ZBTB17: variants seen among roughly 807,000 people sequenced by gnomAD.
ZBTB17 encodes the protein zinc finger and BTB domain containing 17, also known as zinc finger and BTB domain-containing protein 17.
ZBTB17 carries 24 observed loss-of-function variants against 85.1 expected under a neutral mutation model. The ratio of observed to expected loss-of-function variants is 0.28; its 90% CI spans 0.20 to 0.40. The LOEUF (loss-of-function observed/expected upper bound fraction) is 0.40. Ranked by LOEUF, ZBTB17 falls within the 10% of genes least tolerant of loss-of-function variation. The pLI is 1.00. For synonymous variants in ZBTB17, 464 were observed against 460.2 expected (o/e 1.01, Z -0.11); for missense variants, 743 against 1,105.1 (o/e 0.67, Z 4.65).
intron 1 of ZBTB17, among the ~76,000 whole-genome samples, chr1:15,975,192 C>A (rs565338751): frequency 2.0e-5 from 3 of 152,244 alleles, no homozygotes; most frequent in Non-Finnish European, 4.4e-5. Context: ...ATAACAGCAA[C>A]AAACACACAG....
chr1:15,967,178 C>T (rs2072471682), intron 2 of ZBTB17, among the ~76,000 whole-genome samples: 1 of 151,992 alleles, frequency 6.6e-6, no homozygotes, highest in African/African-American at 2.4e-5. Flanking sequence ...GAGTTCAAGA[C>T]CAGCCTGGGC....
chr1:15,971,512 CTA>C (rs1304206089), intron 2 of ZBTB17, among the ~76,000 whole-genome samples: 4 of 62,506 alleles, frequency 6.4e-5, no homozygotes, highest in Admixed American at 1.3e-4. Flanking sequence ...TACACACACA[CTA>C]TATATATACA....
At chr1:15,947,626 T>C (rs75957374) in intron 3 of ZBTB17, among the ~76,000 whole-genome samples, 2 of 152,248 alleles carry the variant, frequency 1.3e-5, no homozygotes, top group East Asian at 3.9e-4. Flanking sequence ...AGGACGGATG[T>C]TGTGAACACC....
In ZBTB17 at chr1:15,966,372, G is replaced by A. The variant is rs1337685765; in HGVS notation, c.-3+6667C>T. Among the ~76,000 whole-genome samples the A allele has an allele frequency of 6.6e-6, 1 of 151,806 alleles. No homozygotes were observed. The highest frequency in any genetic ancestry group is 1.9e-4 in the East Asian group (1 of 5,182). ...CAGATTCTACTGCCAGACCTTTCAA[G>A]ACCAGAAGCTGAGTAGATTTTTGAT... On this transcript the variant is annotated intron_variant, in intron 2 of 15. Transcript: ENST00000375743. This position sits in a 1 kb window ranked among gnomAD's most constrained non-coding sequence, Gnocchi z 4.1.
At position 15,942,513 on chromosome 1, in the gene ZBTB17, T is replaced by C. The variant is rs772670902; in HGVS notation, c.2038+16A>G. 2 of 1,610,122 alleles carry C rather than the reference T, an allele frequency of 1.2e-6. No homozygotes were observed. The highest frequency in any genetic ancestry group is 1.7e-6 in the Non-Finnish European group (2 of 1,179,858). On this transcript the variant is annotated intron_variant, in intron 14 of 15. Transcript: ENST00000375743. ...CAAGCTGCCTGTGACTTCCCTCTGC[T>C]GCCCACAGCCCGCACCTGTGAGCTG...
chr1:15,943,035 G>A (rs2148753342), intron 13 of ZBTB17, 29 bp downstream of exon 13: 1 of 1,612,958 alleles, frequency 6.2e-7, no homozygotes, highest in Non-Finnish European at 8.5e-7. Context: ...GCCTGGGAAG[G>A]AACAGGCATG....
In ZBTB17 at chr1:15,951,329, G is replaced by GAGGA. The variant is rs2071831777; in HGVS notation, c.-2-2833_-2-2832insTCCT. ...GAAGGAAGGAAGGAAGGGAGAGAGG[G>GAGGA]AGGGAGGGAGGGGCCCTGTACCCAC... On this transcript the variant is annotated intron_variant, in intron 2 of 15. Transcript: ENST00000375743. The surrounding 1 kb of genome is among the most constrained non-coding windows in gnomAD (Gnocchi z 4.1). 7.1e-6 allele frequency among the ~76,000 whole-genome samples: 1 copy of GAGGA among 141,022 alleles called. No homozygotes were observed. Among genetic ancestry groups the GAGGA allele is most frequent in the Non-Finnish European group, 1.5e-5 (1 of 67,650 alleles). 92.5% of individuals were successfully genotyped at this position (141,022 alleles called of 152,430 possible).
At chr1:15,961,895 G>A (rs887860771) in intron 2 of ZBTB17, among the ~76,000 whole-genome samples, 7 of 152,300 alleles carry the variant, frequency 4.6e-5, no homozygotes, top group South Asian at 2.1e-4. Context: ...TATATTTTAC[G>A]ATGTTAATAT....
chr1:15,942,287 A>C (rs2071392932), intron 15 of ZBTB17, 35 bp from the exon 16 acceptor site: 2 of 1,613,406 alleles, frequency 1.2e-6, no homozygotes, highest in African/African-American at 1.3e-5. Flanking sequence ...AGTGGGAAGG[A>C]CCCCGGGCTC....
intron 2 of ZBTB17, among the ~76,000 whole-genome samples, chr1:15,957,213 A>G (rs535774140): frequency 1.8e-4 from 27 of 151,952 alleles, no homozygotes; most frequent in Non-Finnish European, 2.6e-4. Flanking sequence ...TAAAGGAGGC[A>G]AGGGGGACCT....
intron 2 of ZBTB17, among the ~76,000 whole-genome samples, chr1:15,963,622 A>T (rs1361569782): frequency 8.5e-5 from 13 of 152,182 alleles, no homozygotes; most frequent in Admixed American, 7.9e-4. Flanking sequence ...TTCCCTGAGA[A>T]TGTATAATGA....
rs774369566 is a variant in ZBTB17 at position 15,946,190 on chromosome 1, CCTT to C, written c.496_498del (p.Lys166del). 18 of 1,611,836 alleles carry C rather than the reference CCTT, an allele frequency of 1.1e-5. No homozygotes were observed. The highest frequency in any genetic ancestry group is 2.2e-5 in the East Asian group (1 of 44,888). ...CTCTGGGCCTGACCGCCGCGCTCCTCCTTGAGGTCCCTGCTGGGGCCTATGGGT... is the reference window on the plus strand; with the variant it reads ...CTCTGGGCCTGACCGCCGCGCTCCTCGAGGTCCCTGCTGGGGCCTATGGGT... On this transcript the variant is annotated inframe_deletion, in exon 5 of 16. Coordinates refer to ENST00000375743, the MANE Select transcript of ZBTB17 (RefSeq NM_003443.3).
intron 7 of ZBTB17, 43 bp downstream of exon 7, chr1:15,944,894 G>C: frequency 6.4e-7 from 1 of 1,563,458 alleles, no homozygotes; most frequent in Non-Finnish European, 8.7e-7. Flanking sequence ...GAGGCCGGAG[G>C]GGAGGGACGC....
At chr1:15,950,058 C>T (rs11489780) in intron 2 of ZBTB17, among the ~76,000 whole-genome samples, 16,083 of 152,260 alleles carry the variant, frequency 0.11, 1,068 homozygotes, top group African/African-American at 0.18. Context: ...TCCTAAATGG[C>T]TGTGGCTAGA....
chr1:15,948,620 T>C, intron 2 of ZBTB17, 123 bp from the exon 3 acceptor site: 1 of 1,063,184 alleles, frequency 9.4e-7, no homozygotes, highest in South Asian at 1.6e-5. Flanking sequence ...AGTGAGGGCA[T>C]TTCTGCCACA....
chr1:15,942,943 G>T, intron 13 of ZBTB17, 121 bp downstream of exon 13: 1 of 1,474,668 alleles, frequency 6.8e-7, no homozygotes, highest in Non-Finnish European at 9.2e-7. Context: ...CTGCCTTCAA[G>T]GCCACCTGCA....
chr1:15,944,896 G>C (rs938573090), intron 7 of ZBTB17, 41 bp downstream of exon 7: 2 of 1,562,746 alleles, frequency 1.3e-6, no homozygotes, highest in Non-Finnish European at 1.7e-6. Flanking sequence ...GGCCGGAGGG[G>C]AGGGACGCTG....
chr1:15,946,105 T>A, intron 5 of ZBTB17, 49 bp downstream of exon 5: 2 of 1,600,692 alleles, frequency 1.2e-6, no homozygotes. Flanking sequence ...GTGCCCAGGC[T>A]GCTGGGAGGT....
At position 15,941,974 on chromosome 1, in the gene ZBTB17, C is replaced by G. The variant is rs376769205; in HGVS notation, c.2407G>C (p.Glu803Gln). Residue 803 changes from glutamate (E) to glutamine (Q), a missense_variant, in exon 16 of 16, where the codon GAG (glutamate) becomes CAG (glutamine). Physicochemically the swap from Glu to Gln is conservative, Grantham distance 29. Transcript: ENST00000375743. The stretch of plus-strand genomic sequence containing the variant: ...CAGTCAGAAGGGCCGCCAGCTCACT[C>G]GGCAGGCGGGGGACATTCAGGAGCT... ...PTAPECPPPA[E>Q] is the part of the protein sequence containing the mutation. 1 of 1,592,824 alleles carries G rather than the reference C, an allele frequency of 6.3e-7. No homozygotes were observed. Among genetic ancestry groups the G allele is most frequent in the African/African-American group, 1.3e-5 (1 of 74,874 alleles).
Sources: allele counts gnomAD v4.1 joint callset (sites outside exome capture counted in the v4.1 genomes callset), GRCh38; gene constraint gnomAD v4.1.1; non-coding constraint Gnocchi (gnomAD v3.1); transcripts MANE v1.5; gene names NCBI Gene and HGNC (gene_info 2026-07-23, HGNC 2026-07-21).